PRKAG2: variants seen among roughly 807,000 people sequenced by gnomAD.
PRKAG2 encodes protein kinase AMP-activated non-catalytic subunit gamma 2.
PRKAG2 carries 26 observed loss-of-function variants against 69.6 expected under a neutral mutation model. The observed-to-expected ratio is 0.37, with a 90% CI of 0.27 to 0.52. The LOEUF is 0.52. PRKAG2 is among the 20% of genes least tolerant of loss of function. The pLI is 0.90. For synonymous variants in PRKAG2, 293 were observed against 285.0 expected (o/e 1.03, Z -0.28); for missense variants, 557 against 740.0 (o/e 0.75, Z 2.87).
At chr7:151,875,562 G>GGTGTGTGTGTGTGTGTGT (rs55660204) in intron 1 of PRKAG2, among the ~76,000 whole-genome samples, 227 of 131,368 alleles carry the variant, frequency 1.7e-3, no homozygotes, top group East Asian at 0.01. Flanking sequence ...GGAGCACTCT[G>GGTGTGTGTGTGTGTGTGT]GTGTGTGTGT....
intron 3 of PRKAG2, among the ~76,000 whole-genome samples, chr7:151,687,386 C>G (rs968111340): frequency 2.0e-5 from 3 of 152,190 alleles, no homozygotes; most frequent in South Asian, 2.1e-4. Context: ...AGAAATTCTG[C>G]CACAGAACTT....
chr7:151,744,339 C>G (rs1043466645), intron 3 of PRKAG2, among the ~76,000 whole-genome samples: 10 of 152,202 alleles, frequency 6.6e-5, no homozygotes, highest in African/African-American at 1.9e-4. Context: ...TGGAGCCCCA[C>G]CCCAGCCTTA....
chr7:151,656,537 C>A (rs1008733819), intron 4 of PRKAG2, among the ~76,000 whole-genome samples: 2 of 152,178 alleles, frequency 1.3e-5, no homozygotes, highest in Admixed American at 1.3e-4. Context: ...GCCTGGGCAA[C>A]AGAGCAAGAC....
At position 151,725,843 on chromosome 7, in the gene PRKAG2, T is replaced by G. The variant is rs184248523; in HGVS notation, c.467-50206A>C. Among the ~76,000 whole-genome samples, 674 of 152,282 alleles carry G rather than the reference T, an allele frequency of 4.4e-3. 4 individuals carry two copies. The highest frequency in any genetic ancestry group is 0.016 in the African/African-American group (649 of 41,566). ...AGAAGAAAGAGGCCGAGAGGAGCTA[T>G]GTCACTGCACCTCGAAATCCCGGTG... On this transcript the variant is annotated intron_variant, in intron 3 of 15. Transcript: ENST00000287878.
intron 3 of PRKAG2, among the ~76,000 whole-genome samples, chr7:151,735,378 A>G (rs1799609514): frequency 6.6e-6 from 1 of 152,122 alleles, no homozygotes; most frequent in African/African-American, 2.4e-5. Flanking sequence ...GAGCTGCAGA[A>G]GTTGCCAGAG....
intron 5 of PRKAG2, among the ~76,000 whole-genome samples, chr7:151,608,641 A>G (rs1818065291): frequency 6.6e-6 from 1 of 152,186 alleles, no homozygotes; most frequent in South Asian, 2.1e-4. Context: ...AGATGACTAT[A>G]TTGTGTTCCT....
In PRKAG2 at chr7:151,607,925, C is replaced by A. The variant is rs565194148; in HGVS notation, c.755-12471G>T. 3.1e-4 allele frequency among the ~76,000 whole-genome samples: 47 copies of A among 152,234 alleles called. No homozygotes were observed. The Middle Eastern group carries it at 0.01, about 33-fold the overall frequency. The stretch of plus-strand genomic sequence containing the variant: ...AAACATCAGAATGAGACCTTATTTG[C>A]AATAAGGGTCTCTGCAGATGTAACT... On this transcript the variant is annotated intron_variant, in intron 5 of 15. Coordinates refer to ENST00000287878, the MANE Select transcript of PRKAG2 (RefSeq NM_016203.4).
At chr7:151,799,353 C>T (rs2077710201) in intron 1 of PRKAG2, among the ~76,000 whole-genome samples, 1 of 152,182 alleles carries the variant, frequency 6.6e-6, no homozygotes, top group South Asian at 2.1e-4. Flanking sequence ...CTTGTGTTTC[C>T]ACTACATAAG....
In PRKAG2 at chr7:151,784,717, G is replaced by A. The variant is rs575983899; in HGVS notation, c.186+1753C>T. 1.1e-4 allele frequency among the ~76,000 whole-genome samples: 16 copies of A among 152,332 alleles called. No individual in the cohort carries two copies. The South Asian group carries it at 3.1e-3, about 30-fold the overall frequency. On this transcript the variant is annotated intron_variant, in intron 2 of 15. Transcript: ENST00000287878. Reference sequence around the variant, plus strand: ...GTTTAACCATATTTGATGAGCAAGGGGGACCCCAGGATTATCCTGAATGGG... The same window carrying A: ...GTTTAACCATATTTGATGAGCAAGGAGGACCCCAGGATTATCCTGAATGGG...
At chr7:151,613,212 A>T in intron 5 of PRKAG2, among the ~76,000 whole-genome samples, 1 of 152,332 alleles carries the variant, frequency 6.6e-6, no homozygotes, top group South Asian at 2.1e-4. Context: ...TGTTTTCAGA[A>T]ATTATTATTT....
rs114595236 is a variant in PRKAG2 at position 151,566,532 on chromosome 7, T to C, written c.1234-647A>G. The C allele has an allele frequency of 9.3e-3, 4,028 of 433,016 alleles. 142 individuals are homozygous for C. Among genetic ancestry groups the C allele is most frequent in the African/African-American group, 0.076 (3,695 of 48,866 alleles). The allele number at this position is 433,016 out of a possible 1,614,324, so 26.8% of individuals were successfully genotyped here. ...AGGAGAGAAAAGTCTAGGATCATGT[T>C]TGAGTATAACAAAATAAGGTCTACG... On this transcript the variant is annotated intron_variant, in intron 11 of 15. Transcript: ENST00000287878.
At chr7:151,714,893 T>C (rs899598136) in intron 3 of PRKAG2, among the ~76,000 whole-genome samples, 2 of 151,148 alleles carry the variant, frequency 1.3e-5, no homozygotes, top group African/African-American at 4.9e-5. Context: ...GAGGTTGCAG[T>C]GAGCCAAGAT....
chr7:151,670,404 TG>T (rs1831823552), intron 4 of PRKAG2, among the ~76,000 whole-genome samples: 1 of 152,230 alleles, frequency 6.6e-6, no homozygotes, highest in African/African-American at 2.4e-5. Context: ...TACCTTCAGC[TG>T]CAACCTGGGC....
intron 5 of PRKAG2, among the ~76,000 whole-genome samples, chr7:151,615,695 A>G (rs1185568726): frequency 6.6e-6 from 1 of 152,220 alleles, no homozygotes; most frequent in African/African-American, 2.4e-5. Flanking sequence ...CAGGATCAAT[A>G]AGGAACTTAA....
chr7:151,800,337 G>A lies in PRKAG2; in HGVS notation c.115-13796C>T, dbSNP rs369451763. 2.8e-3 allele frequency among the ~76,000 whole-genome samples: 401 copies of A among 143,922 alleles called. 1 individual carries two copies. Among genetic ancestry groups the A allele is most frequent in the Middle Eastern group, 0.024 (6 of 248 alleles). The allele number at this position is 143,922 out of a possible 152,430, so 94.4% of individuals were successfully genotyped here. ...CACGCCACTGCACTCCAGCCTGGGC[G>A]ACAGAGCGAGACTCTGTCTCAAAAA... On this transcript the variant is annotated intron_variant, in intron 1 of 15. Transcript: ENST00000287878.
At chr7:151,745,858 G>A (rs1303457931) in intron 3 of PRKAG2, among the ~76,000 whole-genome samples, 3 of 152,120 alleles carry the variant, frequency 2.0e-5, no homozygotes, top group Admixed American at 6.5e-5. Flanking sequence ...GTCCCTTCTC[G>A]TGGTGCCTGG....
intron 1 of PRKAG2, 21 bp from the exon 2 acceptor site, chr7:151,786,562 G>A (rs773854404): frequency 2.2e-5 from 36 of 1,605,578 alleles, no homozygotes; most frequent in Middle Eastern, 1.7e-4. Flanking sequence ...CAGAGAGCAC[G>A]TGGTCAGTGA....
chr7:151,651,622 C>G (rs1373363419), intron 4 of PRKAG2, among the ~76,000 whole-genome samples: 1 of 151,948 alleles, frequency 6.6e-6, no homozygotes, highest in Non-Finnish European at 1.5e-5. Context: ...AAACAAAAAA[C>G]CAAAAATGCA....
intron 1 of PRKAG2, among the ~76,000 whole-genome samples, 156 bp from the exon 2 acceptor site, chr7:151,786,697 C>T (rs916329391): frequency 8.5e-5 from 13 of 152,176 alleles, no homozygotes; most frequent in African/African-American, 3.1e-4. Flanking sequence ...CACCCAGCCC[C>T]CAAAGCCCCT....
Sources: allele counts gnomAD v4.1 joint callset (sites outside exome capture counted in the v4.1 genomes callset), GRCh38; gene constraint gnomAD v4.1.1; transcripts MANE v1.5; gene names NCBI Gene and HGNC (gene_info 2026-07-23, HGNC 2026-07-21).